The following MTMR2 variants were observed in gnomAD, a reference collection of about 807,000 sequenced individuals.
MTMR2 encodes the protein myotubularin related protein 2, also known as phosphatidylinositol-3,5-bisphosphate 3-phosphatase MTMR2.
In MTMR2, 55 loss-of-function variants were observed where a neutral mutation model predicts 86.9. That is an observed-to-expected ratio of 0.63 (90% CI 0.51 to 0.79). MTMR2 has a LOEUF of 0.79. Among genes scored for constraint, MTMR2 ranks in the 30% least tolerant of loss-of-function variants. The pLI, the probability that MTMR2 is intolerant of heterozygous loss-of-function variation, is 0.00. For missense variants in MTMR2, 659 were observed against 772.3 expected, an observed-to-expected ratio of 0.85 and a Z score of 1.74; for synonymous variants, 241 against 266.8, an observed-to-expected ratio of 0.90 and a Z score of 0.94.
intron 1 of MTMR2, among the ~76,000 whole-genome samples, chr11:95,892,594 G>A (rs1865750858): frequency 6.6e-6 from 1 of 152,094 alleles, no homozygotes; most frequent in Admixed American, 6.6e-5. Context: ...GATTTCCTAG[G>A]CCTATATACT....
chr11:95,906,622 G>A (rs544918558), intron 1 of MTMR2, among the ~76,000 whole-genome samples: 4 of 152,092 alleles, frequency 2.6e-5, no homozygotes, highest in East Asian at 3.9e-4. Flanking sequence ...CTCTAAAATC[G>A]ACAACACAAT....
At chr11:95,853,652 TCATTA>T (rs1864105231) in intron 7 of MTMR2, among the ~76,000 whole-genome samples, 1 of 152,138 alleles carries the variant, frequency 6.6e-6, no homozygotes, top group Admixed American at 6.5e-5. Context: ...ATCAGACTAT[TCATTA>T]CATTATATTG....
chr11:95,882,889 ATTTTTTTTTTTTTTTTTT>A (rs776661875), intron 2 of MTMR2, among the ~76,000 whole-genome samples: 1 of 76,078 alleles, frequency 1.3e-5, no homozygotes, highest in African/African-American at 5.9e-5. Context: ...CATCCAGCTA[ATTTTTTTTTTTTTTTTTT>A]TTTTTTTTTT....
intron 1 of MTMR2, among the ~76,000 whole-genome samples, chr11:95,915,278 A>G (rs1199880973): frequency 6.6e-6 from 1 of 152,134 alleles, no homozygotes; most frequent in Non-Finnish European, 1.5e-5. Flanking sequence ...CATAACCTCC[A>G]GACAAGGCCT....
intron 1 of MTMR2, among the ~76,000 whole-genome samples, chr11:95,894,790 A>G (rs536376417): frequency 6.6e-6 from 1 of 152,256 alleles, no homozygotes; most frequent in African/African-American, 2.4e-5. Flanking sequence ...TAAGTCCTAA[A>G]AAGGACTAAA....
At chr11:95,879,606 A>G (rs879785090) in intron 2 of MTMR2, among the ~76,000 whole-genome samples, 2 of 152,172 alleles carry the variant, frequency 1.3e-5, no homozygotes, top group Non-Finnish European at 1.5e-5. Context: ...ATGTACCCAC[A>G]GCCTCTTCTA....
At position 95,923,935 on chromosome 11, in the gene MTMR2, CA is replaced by C. The variant is rs780080079; in HGVS notation, c.19del (p.Cys7AlafsTer55). 3 of 1,561,204 alleles carry C rather than the reference CA, an allele frequency of 1.9e-6. No homozygotes were observed. In the South Asian group the frequency reaches 3.5e-5, roughly 18 times the overall value. MEKSSS[C>X]ESLGSQPAAA... ...CGCCGGCTGGGAGCCAAGACTCTCG[CA>C]GCTCGAGCTCTTCTCCATCGCGCGG... is the stretch of plus-strand genomic sequence containing the variant. On this transcript the variant is annotated frameshift_variant, in exon 1 of 15. Transcript: ENST00000346299. LOFTEE classifies it high-confidence loss of function.
chr11:95,836,015 A>AG, intron 14 of MTMR2, 133 bp downstream of exon 14: 1 of 914,466 alleles, frequency 1.1e-6, no homozygotes, highest in South Asian at 1.3e-5. Flanking sequence ...TTTTTCTACT[A>AG]TACGATTGTT....
intron 1 of MTMR2, among the ~76,000 whole-genome samples, chr11:95,921,403 G>A (rs982429064): frequency 6.6e-6 from 1 of 152,062 alleles, no homozygotes; most frequent in African/African-American, 2.4e-5. Flanking sequence ...AGATAATATA[G>A]GCCAAACAGC....
At chr11:95,916,548 T>A (rs1477971299) in intron 1 of MTMR2, among the ~76,000 whole-genome samples, 1 of 152,110 alleles carries the variant, frequency 6.6e-6, no homozygotes, top group Non-Finnish European at 1.5e-5. Flanking sequence ...ATTAGATCTG[T>A]ATTGACTATC....
At position 95,841,858 on chromosome 11, in the gene MTMR2, G is replaced by C. The variant is rs934303451; in HGVS notation, c.1387-149C>G. On this transcript the variant is annotated intron_variant, in intron 11 of 14. Transcript: ENST00000346299. ...CACCTGTAATCCCAACACTTTGGGA[G>C]GCTGTGGTGGAAGGATCACTTGGAG... is the stretch of plus-strand genomic sequence containing the variant. 6 of 693,806 alleles carry C rather than the reference G, an allele frequency of 8.6e-6. No individual in the cohort carries two copies. In the African/African-American group the frequency reaches 1.1e-4, roughly 12 times the overall value. The allele number at this position is 693,806 out of a possible 1,614,324, so 43.0% of individuals were successfully genotyped here. A position where few individuals can be genotyped will look rare whatever the true frequency, so the allele number is the denominator to read the frequency against.
At chr11:95,875,404 T>C (rs1172259508) in intron 2 of MTMR2, among the ~76,000 whole-genome samples, 3 of 152,252 alleles carry the variant, frequency 2.0e-5, no homozygotes, top group Non-Finnish European at 4.4e-5. Flanking sequence ...CTGAGGCTTG[T>C]GCATTCGTCA....
intron 2 of MTMR2, among the ~76,000 whole-genome samples, chr11:95,872,914 G>A (rs1014902264): frequency 1.9e-4 from 29 of 152,230 alleles, no homozygotes; most frequent in Non-Finnish European, 2.9e-5. Context: ...GCTGGATTAC[G>A]TTTATTGATT....
chr11:95,912,601 A>G (rs1197176344), intron 1 of MTMR2, among the ~76,000 whole-genome samples: 1 of 151,928 alleles, frequency 6.6e-6, no homozygotes, highest in Non-Finnish European at 1.5e-5. Flanking sequence ...ATCAGTAACT[A>G]TCAATATACC....
intron 11 of MTMR2, among the ~76,000 whole-genome samples, chr11:95,842,574 C>A (rs530732594): frequency 6.6e-6 from 1 of 152,172 alleles, no homozygotes; most frequent in East Asian, 1.9e-4. Flanking sequence ...ACTCAGATAA[C>A]TGAAAACAGA....
intron 7 of MTMR2, among the ~76,000 whole-genome samples, chr11:95,854,818 G>GT (rs934888398): frequency 2.1e-4 from 32 of 149,644 alleles, no homozygotes; most frequent in Non-Finnish European, 3.1e-4. Flanking sequence ...TTTCCTTTTT[G>GT]TTTTTTTTGA....
intron 1 of MTMR2, among the ~76,000 whole-genome samples, chr11:95,899,242 T>C (rs1012941639): frequency 2.6e-5 from 4 of 152,036 alleles, no homozygotes; most frequent in South Asian, 2.1e-4. Context: ...CAGAATAGAA[T>C]TTAGCAGCTG....
At chr11:95,857,922 C>T (rs1301074713) in intron 6 of MTMR2, among the ~76,000 whole-genome samples, 1 of 152,064 alleles carries the variant, frequency 6.6e-6, no homozygotes, top group East Asian at 1.9e-4. Context: ...TGTAGGTTTA[C>T]TTTCAAATAA....
intron 1 of MTMR2, among the ~76,000 whole-genome samples, chr11:95,922,291 G>C (rs922522229): frequency 1.3e-5 from 2 of 152,164 alleles, no homozygotes; most frequent in Admixed American, 6.5e-5. Flanking sequence ...TGCTTCATGT[G>C]GTTCTAACTT....
Sources: gnomAD v4.1 joint callset for allele counts (sites outside exome capture counted in the v4.1 genomes callset) on GRCh38, gnomAD v4.1.1 for gene constraint, MANE v1.5 for transcripts, NCBI Gene and HGNC (gene_info 2026-07-23, HGNC 2026-07-21) for gene names.